STX18: variants seen among roughly 807,000 people sequenced by gnomAD.
STX18 encodes syntaxin-18.
Under a neutral mutation model 50.1 loss-of-function variants are expected in STX18, and 40 were observed. The ratio of observed to expected loss-of-function variants is 0.80; its 90% CI spans 0.62 to 1.04. The LOEUF is 1.04. Ranked by LOEUF, STX18 falls within the 50% of genes least tolerant of loss-of-function variation. The pLI is 0.00. For synonymous variants in STX18, 158 were observed against 151.8 expected (o/e 1.04, Z -0.30); for missense variants, 410 against 415.8 (o/e 0.99, Z 0.12).
intron 6 of STX18, chr4:4,437,712 C>A (rs1725861685): frequency 1.4e-6 from 1 of 731,558 alleles, no homozygotes; most frequent in East Asian, 1.3e-4. Context: ...CACGCCATCA[C>A]CCTGTGATTC....
intron 6 of STX18, among the ~76,000 whole-genome samples, chr4:4,436,850 C>T (rs754908005): frequency 6.6e-6 from 1 of 152,200 alleles, no homozygotes. Context: ...ATATCCCACC[C>T]AATCTCCAGG....
intron 2 of STX18, among the ~76,000 whole-genome samples, chr4:4,461,374 A>G (rs976860696): frequency 3.9e-5 from 6 of 152,216 alleles, no homozygotes; most frequent in Non-Finnish European, 5.9e-5. Flanking sequence ...AATTAAAATC[A>G]TTCAGAGATC....
intron 1 of STX18, among the ~76,000 whole-genome samples, chr4:4,497,212 C>G (rs1409116045): frequency 6.6e-6 from 1 of 152,212 alleles, no homozygotes; most frequent in Non-Finnish European, 1.5e-5. Flanking sequence ...GGTATGGGGT[C>G]AGGATAGCTC....
chr4:4,536,581 G>A lies in STX18; in HGVS notation c.168+5216C>T, dbSNP rs558795127. On this transcript the variant is annotated intron_variant, in intron 1 of 10. Transcript: ENST00000306200. ...GTAGAGGGATGCAAAGGTTCTAAGC[G>A]GGAAATGTGCCTGATGCATGTGAGA... Among the ~76,000 whole-genome samples, 205 of 152,236 alleles carry A rather than the reference G, an allele frequency of 1.3e-3. 1 individual carries two copies. The highest frequency in any genetic ancestry group is 4.6e-3 in the African/African-American group (193 of 41,534).
chr4:4,532,178 T>C (rs1264194695), intron 1 of STX18, among the ~76,000 whole-genome samples: 1 of 152,236 alleles, frequency 6.6e-6, no homozygotes, highest in Non-Finnish European at 1.5e-5. Context: ...AACCGTATTG[T>C]AGAAGAATCT....
intron 1 of STX18, among the ~76,000 whole-genome samples, chr4:4,540,853 C>T (rs1023158299): frequency 1.3e-5 from 2 of 152,152 alleles, no homozygotes; most frequent in African/African-American, 4.8e-5. Flanking sequence ...CAAGTGTATG[C>T]CAAGCAGAGA....
At chr4:4,453,773 G>T in intron 5 of STX18, 1 of 609,208 alleles carries the variant, frequency 1.6e-6, no homozygotes, top group Non-Finnish European at 2.1e-6. Flanking sequence ...AGGTACCGTG[G>T]ACCCCCAAAG....
chr4:4,536,937 G>A (rs990410592), intron 1 of STX18, among the ~76,000 whole-genome samples: 12 of 152,164 alleles, frequency 7.9e-5, no homozygotes, highest in African/African-American at 2.2e-4. Flanking sequence ...TCTAATCGAA[G>A]CTTTCAGTTT....
In STX18 at chr4:4,419,962, C is replaced by A; in HGVS notation, c.*72G>T. On this transcript the variant is annotated 3_prime_UTR_variant, in exon 11 of 11. Coordinates refer to ENST00000306200, the MANE Select transcript of STX18 (RefSeq NM_016930.4). ...AATCTGGTCATACCATGCTCCAGCA[C>A]TGGAAGTACATGAAAGCACGCAGTC... 1 of 1,286,852 alleles carries A rather than the reference C, an allele frequency of 7.8e-7. No homozygotes were observed. Among genetic ancestry groups the A allele is most frequent in the Non-Finnish European group, 1.1e-6 (1 of 907,850 alleles). The allele number at this position is 1,286,852 out of a possible 1,614,324, so 79.7% of individuals were successfully genotyped here.
intron 2 of STX18, among the ~76,000 whole-genome samples, chr4:4,466,991 C>T (rs947508795): frequency 6.6e-6 from 1 of 152,046 alleles, no homozygotes; most frequent in African/African-American, 2.4e-5. Flanking sequence ...TGTCCTCTTG[C>T]ACAGAGTCAG....
At chr4:4,527,867 C>CACACACATATATATAT (rs372566368) in intron 1 of STX18, among the ~76,000 whole-genome samples, 8 of 137,206 alleles carry the variant, frequency 5.8e-5, no homozygotes, top group African/African-American at 2.1e-4. Flanking sequence ...CACACACACA[C>CACACACATATATATAT]ATATATATAT....
At chr4:4,540,481 C>G (rs116639610) in intron 1 of STX18, among the ~76,000 whole-genome samples, 1,790 of 152,322 alleles carry the variant, frequency 0.012, 17 homozygotes, top group Non-Finnish European at 0.018. Flanking sequence ...CCTGAGATGT[C>G]CTTCTGCACT....
chr4:4,468,575 C>G (rs768839259), intron 2 of STX18, among the ~76,000 whole-genome samples: 4 of 152,078 alleles, frequency 2.6e-5, no homozygotes, highest in Non-Finnish European at 4.4e-5. Context: ...GGTGAGCAGC[C>G]AAGCCTGGGC....
intron 1 of STX18, among the ~76,000 whole-genome samples, chr4:4,484,070 G>C (rs887884725): frequency 5.3e-5 from 8 of 152,132 alleles, no homozygotes; most frequent in East Asian, 3.9e-4. Flanking sequence ...CACCATGTTA[G>C]CCAGGATGGT....
At chr4:4,438,814 C>T (rs1461597550) in intron 5 of STX18, among the ~76,000 whole-genome samples, 1 of 151,938 alleles carries the variant, frequency 6.6e-6, no homozygotes, top group African/African-American at 2.4e-5. Flanking sequence ...TGACACACCG[C>T]ACTCAACAAA....
At chr4:4,429,314 T>TGCTAAAAG (rs1448240839) in intron 7 of STX18, among the ~76,000 whole-genome samples, 16 of 152,356 alleles carry the variant, frequency 1.1e-4, no homozygotes, top group Non-Finnish European at 8.8e-5. Flanking sequence ...AATCAAGCCC[T>TGCTAAAAG]GCTAAAAGGT....
intron 5 of STX18, among the ~76,000 whole-genome samples, chr4:4,446,749 TAAGTC>T (rs1168928743): frequency 7.6e-6 from 1 of 131,770 alleles, no homozygotes; most frequent in African/African-American, 3.2e-5. Context: ...AGTTTCTTAC[TAAGTC>T]TAAGAAACAT....
chr4:4,490,960 T>A (rs1421744590), intron 1 of STX18, among the ~76,000 whole-genome samples: 1 of 152,090 alleles, frequency 6.6e-6, no homozygotes, highest in African/African-American at 2.4e-5. Flanking sequence ...CCAACTTAAA[T>A]AAAAACCCAC....
intron 7 of STX18, chr4:4,426,726 C>G (rs961115781): frequency 6.6e-6 from 1 of 152,486 alleles, no homozygotes; most frequent in African/African-American, 2.4e-5. Context: ...ACATTCCACC[C>G]TCACCGTTTC....
Sources: allele counts gnomAD v4.1 joint callset (sites outside exome capture counted in the v4.1 genomes callset), GRCh38; gene constraint gnomAD v4.1.1; transcripts MANE v1.5; gene names NCBI Gene and HGNC (gene_info 2026-07-23, HGNC 2026-07-21).